Variants in C13orf42 observed in about 807,000 individuals in gnomAD.
The protein encoded by C13orf42 is chromosome 13 open reading frame 42, also known as uncharacterized protein C13orf42.
intron 1 of C13orf42, among the ~76,000 whole-genome samples, chr13:51,101,268 T>C (rs1005861314): frequency 6.6e-6 from 1 of 152,108 alleles, no homozygotes; most frequent in African/African-American, 2.4e-5. Flanking sequence ...TAAAAGAAAA[T>C]ATACCTAAAA....
chr13:51,093,448 G>A (rs945172930), intron 1 of C13orf42, among the ~76,000 whole-genome samples: 10 of 152,186 alleles, frequency 6.6e-5, no homozygotes, highest in Non-Finnish European at 1.3e-4. Context: ...TTGCAAAGTG[G>A]CTACCGTGAT....
chr13:51,111,621 C>T (rs932466339), upstream of C13orf42, among the ~76,000 whole-genome samples: 3 of 152,318 alleles, frequency 2.0e-5, no homozygotes, highest in East Asian at 5.8e-4. Flanking sequence ...TGGTCTCACT[C>T]AGTTTGAGTT....
At chr13:51,135,352 C>A (rs1190352206) in intron 1 of C13orf42, among the ~76,000 whole-genome samples, 1 of 152,192 alleles carries the variant, frequency 6.6e-6, no homozygotes, top group Admixed American at 6.5e-5. Flanking sequence ...TAATTCCTCA[C>A]CCCCTTGGCA....
intron 1 of C13orf42, among the ~76,000 whole-genome samples, chr13:51,128,945 ACCCTAC>A (rs1953595182): frequency 6.6e-6 from 1 of 152,080 alleles, no homozygotes; most frequent in African/African-American, 2.4e-5. Context: ...AAGTCTGTTT[ACCCTAC>A]CTCCATTAAC....
intron 1 of C13orf42, among the ~76,000 whole-genome samples, chr13:51,170,741 A>G (rs2138057153): frequency 6.6e-6 from 1 of 152,172 alleles, no homozygotes; most frequent in African/African-American, 2.4e-5. Flanking sequence ...CCACGCAGGG[A>G]CGCCTGCCTT....
chr13:51,145,321 T>C (rs1953726223), intron 1 of C13orf42, among the ~76,000 whole-genome samples: 1 of 149,150 alleles, frequency 6.7e-6, no homozygotes, highest in Middle Eastern at 3.5e-3. Flanking sequence ...ATGTGGTCTA[T>C]ATCGATTTTT....
intron 1 of C13orf42, among the ~76,000 whole-genome samples, chr13:51,134,211 A>C (rs1029026752): frequency 2.6e-5 from 4 of 152,140 alleles, no homozygotes; most frequent in Middle Eastern, 3.2e-3. Context: ...AATATGTCCC[A>C]AACTTTCCCA....
chr13:51,160,978 C>A (rs9535589), intron 1 of C13orf42, among the ~76,000 whole-genome samples: 9,226 of 135,146 alleles, frequency 0.068, 335 homozygotes, highest in East Asian at 0.077. Flanking sequence ...AAAAAAAAAA[C>A]AAAAAACTGC....
chr13:51,107,393 T>A (rs1377518565), intron 1 of C13orf42, among the ~76,000 whole-genome samples: 5 of 152,264 alleles, frequency 3.3e-5, no homozygotes, highest in Admixed American at 3.3e-4. Flanking sequence ...GTCTATTTCA[T>A]AAAACTTTTG....
chr13:51,086,419 A>G (rs1226528203), intron 2 of C13orf42, among the ~76,000 whole-genome samples: 2 of 152,068 alleles, frequency 1.3e-5, no homozygotes, highest in Non-Finnish European at 2.9e-5. Flanking sequence ...AGGACATCCT[A>G]GTTTTATGGC....
At position 51,086,293 on chromosome 13, in the gene C13orf42, G is replaced by A. The variant is rs559456463; in HGVS notation, c.563-734C>T. Among the ~76,000 whole-genome samples the A allele has an allele frequency of 7.1e-5, 10 of 141,522 alleles. No homozygotes were observed. In the East Asian group the frequency reaches 1.2e-3, roughly 18 times the overall value. The allele number at this position is 141,522 out of a possible 152,430, so 92.8% of individuals were successfully genotyped here. On this transcript the variant is annotated intron_variant, in intron 2 of 3. Transcript: ENST00000563710. ...CTGCACACAGCCTGGGCGATGGAGC[G>A]AGACTCCGTCTCAAAAAAAAAAACA...
At chr13:51,136,282 G>A (rs774382165) in intron 1 of C13orf42, among the ~76,000 whole-genome samples, 6 of 152,274 alleles carry the variant, frequency 3.9e-5, no homozygotes, top group Non-Finnish European at 4.4e-5. Context: ...GGAAGACACA[G>A]ATAACCCCCA....
At chr13:51,140,521 T>C (rs939026670) in intron 1 of C13orf42, among the ~76,000 whole-genome samples, 3 of 152,312 alleles carry the variant, frequency 2.0e-5, no homozygotes, top group Admixed American at 2.0e-4. Flanking sequence ...TATCAATGCT[T>C]GGTACCAGCA....
At chr13:51,143,619 T>A (rs1220248526) in intron 1 of C13orf42, among the ~76,000 whole-genome samples, 1 of 152,208 alleles carries the variant, frequency 6.6e-6, no homozygotes, top group African/African-American at 2.4e-5. Flanking sequence ...TTTTTTGAAA[T>A]CCTTGAATTA....
intron 1 of C13orf42, among the ~76,000 whole-genome samples, chr13:51,152,491 G>C (rs1050242817): frequency 6.6e-6 from 1 of 152,154 alleles, no homozygotes; most frequent in Non-Finnish European, 1.5e-5. Flanking sequence ...TGGAACTACA[G>C]GTGCATGCCA....
At position 51,084,230 on chromosome 13, in the gene C13orf42, C is replaced by T. The variant is rs565724155; in HGVS notation, c.899G>A (p.Gly300Glu). 2.8e-4 allele frequency: 110 copies of T among 398,600 alleles called. No individual in the cohort carries two copies. The highest frequency in any genetic ancestry group is 4.5e-4 in the Non-Finnish European group (101 of 226,146). The allele number at this position is 398,600 out of a possible 1,614,324, so 24.7% of individuals were successfully genotyped here. A position where few individuals can be genotyped will look rare whatever the true frequency, so the allele number is the denominator to read the frequency against. ...GTTCTCTGTCTCATAGTAGTCCTCCCCAGGAGACAACTGGGGCTCCAACGC... is the reference window on the plus strand; with the variant it reads ...GTTCTCTGTCTCATAGTAGTCCTCCTCAGGAGACAACTGGGGCTCCAACGC... ...LFALEPQLSP[G>E]EDYYETENPK... Residue 300 changes from glycine (G) to glutamate (E), a missense_variant, in exon 4 of 4, where the codon GGG (glycine) becomes GAG (glutamate). By Grantham distance (98) the Gly-to-Glu change is moderately conservative. Transcript: ENST00000563710.
chr13:51,122,235 T>C (rs1953541311), intron 1 of C13orf42, among the ~76,000 whole-genome samples: 1 of 151,890 alleles, frequency 6.6e-6, no homozygotes, highest in South Asian at 2.1e-4. Flanking sequence ...AATATATGAT[T>C]AGAAAAGAAA....
intron 1 of C13orf42, among the ~76,000 whole-genome samples, chr13:51,104,219 C>A (rs941287382): frequency 6.6e-6 from 1 of 152,104 alleles, no homozygotes; most frequent in African/African-American, 2.4e-5. Context: ...TTAATTAGGG[C>A]TTAATAATCC....
chr13:51,135,572 G>A (rs1169887667), intron 1 of C13orf42, among the ~76,000 whole-genome samples: 2 of 151,474 alleles, frequency 1.3e-5, no homozygotes, highest in Non-Finnish European at 2.9e-5. Flanking sequence ...AAGATTGCTT[G>A]AGCCCAGGAA....
Sources: gnomAD v4.1 joint callset for allele counts (sites outside exome capture counted in the v4.1 genomes callset) on GRCh38, gnomAD v4.1.1 for gene constraint, MANE v1.5 for transcripts, NCBI Gene and HGNC (gene_info 2026-07-23, HGNC 2026-07-21) for gene names.